Variants in NKAIN2 observed in about 807,000 individuals in gnomAD.
NKAIN2 encodes sodium/potassium-transporting ATPase subunit beta-1-interacting protein 2.
Under a neutral mutation model 32.6 loss-of-function variants are expected in NKAIN2, and 14 were observed. That is an observed-to-expected ratio of 0.43 (90% CI 0.28 to 0.67). The LOEUF (loss-of-function observed/expected upper bound fraction) is 0.67. NKAIN2 is among the 30% of genes least tolerant of loss of function. NKAIN2 has a pLI of 0.17. For missense variants in NKAIN2, 198 were observed against 258.3 expected (o/e 0.77, Z 1.60); for synonymous variants, 80 against 87.2 (o/e 0.92, Z 0.46).
intron 1 of NKAIN2, among the ~76,000 whole-genome samples, chr6:123,870,947 G>A (rs895528684): frequency 1.3e-5 from 2 of 151,540 alleles, no homozygotes; most frequent in Admixed American, 6.6e-5. Flanking sequence ...TTTTCCAATC[G>A]TCAGAAGCAC....
intron 1 of NKAIN2, among the ~76,000 whole-genome samples, chr6:123,994,623 C>A (rs7742884): frequency 0.46 from 70,086 of 151,864 alleles, 17,046 homozygotes; most frequent in East Asian, 0.61. Flanking sequence ...GCTTCTCCAC[C>A]CCCTCCAATA....
intron 5 of NKAIN2, among the ~76,000 whole-genome samples, chr6:124,793,520 A>G (rs2095868126): frequency 6.6e-6 from 1 of 152,098 alleles, no homozygotes; most frequent in Non-Finnish European, 1.5e-5. Context: ...TCTCTGGGCT[A>G]TGTTGTTTGA....
In NKAIN2 at chr6:124,281,640, G is replaced by A. The variant is rs147056788; in HGVS notation, c.55-1365G>A. Reference sequence around the variant, plus strand: ...TGAGAATTACGATTTGACTAAGTTGGACTGTGACTGCTACAACCATTACAT... The same window carrying A: ...TGAGAATTACGATTTGACTAAGTTGAACTGTGACTGCTACAACCATTACAT... On this transcript the variant is annotated intron_variant, in intron 1 of 6. Coordinates refer to ENST00000368417, the MANE Select transcript of NKAIN2 (RefSeq NM_001040214.3). Among the ~76,000 whole-genome samples, 1,052 of 152,132 alleles carry A rather than the reference G, an allele frequency of 6.9e-3. 6 individuals carry two copies. The highest frequency in any genetic ancestry group is 0.034 in the South Asian group (165 of 4,816).
At chr6:124,311,125 G>A (rs886580657) in intron 2 of NKAIN2, among the ~76,000 whole-genome samples, 1 of 152,014 alleles carries the variant, frequency 6.6e-6, no homozygotes, top group African/African-American at 2.4e-5. Context: ...AATATGTAGA[G>A]CAAAGAACAG....
chr6:124,462,012 T>C (rs1776551599), intron 3 of NKAIN2, among the ~76,000 whole-genome samples: 1 of 151,948 alleles, frequency 6.6e-6, no homozygotes, highest in Non-Finnish European at 1.5e-5. Flanking sequence ...AATATTTGCA[T>C]GTAACAATAT....
At chr6:124,601,136 T>A (rs367742838) in intron 3 of NKAIN2, among the ~76,000 whole-genome samples, 7 of 152,186 alleles carry the variant, frequency 4.6e-5, no homozygotes, top group African/African-American at 1.7e-4. Context: ...GCTCTATGCA[T>A]AAGGCTGTGT....
intron 4 of NKAIN2, among the ~76,000 whole-genome samples, chr6:124,674,550 G>A (rs1773264961): frequency 6.6e-6 from 1 of 151,770 alleles, no homozygotes; most frequent in East Asian, 1.9e-4. Flanking sequence ...ATGTTTTATA[G>A]TTTTCAGGGT....
chr6:124,406,745 GT>G (rs1773875992), intron 3 of NKAIN2, among the ~76,000 whole-genome samples: 1 of 152,080 alleles, frequency 6.6e-6, no homozygotes, highest in South Asian at 2.1e-4. Flanking sequence ...GACAAAATTT[GT>G]TGTTTTTTTA....
At chr6:124,398,692 A>C (rs578041305) in intron 3 of NKAIN2, among the ~76,000 whole-genome samples, 2 of 152,318 alleles carry the variant, frequency 1.3e-5, no homozygotes, top group Admixed American at 6.5e-5. Context: ...AATGTTATCA[A>C]CCTAAGGTGA....
intron 2 of NKAIN2, among the ~76,000 whole-genome samples, chr6:124,293,667 G>C (rs1795918172): frequency 6.6e-6 from 1 of 152,126 alleles, no homozygotes; most frequent in Non-Finnish European, 1.5e-5. Context: ...ATATTTTCTA[G>C]AGCATTTGTT....
chr6:124,317,656 G>A (rs1305330976), intron 2 of NKAIN2, among the ~76,000 whole-genome samples: 1 of 151,922 alleles, frequency 6.6e-6, no homozygotes, highest in Admixed American at 6.6e-5. Context: ...AACTGGAAAG[G>A]AAAGGAAATC....
intron 4 of NKAIN2, among the ~76,000 whole-genome samples, chr6:124,665,107 C>A (rs189615686): frequency 2.0e-5 from 3 of 151,846 alleles, no homozygotes; most frequent in Non-Finnish European, 4.4e-5. Flanking sequence ...TCTACAGATT[C>A]AATGCAATGT....
intron 2 of NKAIN2, among the ~76,000 whole-genome samples, chr6:124,346,527 G>A (rs1583091129): frequency 6.6e-6 from 1 of 152,122 alleles, no homozygotes; most frequent in African/African-American, 2.4e-5. Context: ...CCTGTATTGG[G>A]TGCATATATA....
At chr6:124,199,643 T>C (rs1412745571) in intron 1 of NKAIN2, among the ~76,000 whole-genome samples, 1 of 152,154 alleles carries the variant, frequency 6.6e-6, no homozygotes, top group East Asian at 1.9e-4. Flanking sequence ...ACACAAAGAA[T>C]TGGATTTTCT....
intron 1 of NKAIN2, among the ~76,000 whole-genome samples, chr6:124,176,309 G>A (rs1182585114): frequency 6.6e-6 from 1 of 152,074 alleles, no homozygotes; most frequent in Non-Finnish European, 1.5e-5. Flanking sequence ...TATCTGTGAA[G>A]TATGATTTAA....
chr6:124,438,901 G>A (rs959341408), intron 3 of NKAIN2, among the ~76,000 whole-genome samples: 4 of 151,808 alleles, frequency 2.6e-5, no homozygotes, highest in African/African-American at 7.3e-5. Context: ...GTATTTTTAC[G>A]ACCCAGCTGC....
At chr6:124,635,742 T>C (rs1290214092) in intron 3 of NKAIN2, among the ~76,000 whole-genome samples, 1 of 151,932 alleles carries the variant, frequency 6.6e-6, no homozygotes, top group African/African-American at 2.4e-5. Context: ...AAAGGACATA[T>C]CAATTATAAA....
intron 1 of NKAIN2, among the ~76,000 whole-genome samples, chr6:123,961,750 C>T (rs952036410): frequency 6.6e-6 from 1 of 152,076 alleles, no homozygotes; most frequent in Non-Finnish European, 1.5e-5. Context: ...GGGAATGAAG[C>T]TTTTCCCCCT....
chr6:124,602,787 C>T (rs1782358662), intron 3 of NKAIN2, among the ~76,000 whole-genome samples: 1 of 151,886 alleles, frequency 6.6e-6, no homozygotes, highest in African/African-American at 2.4e-5. Flanking sequence ...TTACCTTTCT[C>T]ACCCACATTC....
Sources: allele counts gnomAD v4.1 joint callset (sites outside exome capture counted in the v4.1 genomes callset), GRCh38; gene constraint gnomAD v4.1.1; transcripts MANE v1.5; gene names NCBI Gene and HGNC (gene_info 2026-07-23, HGNC 2026-07-21).